UBAP2: variants seen among roughly 807,000 people sequenced by gnomAD.
UBAP2 encodes ubiquitin-associated protein 2.
A neutral mutation model predicts 139.6 loss-of-function variants in UBAP2; 75 were observed. That is an observed-to-expected ratio of 0.54 (90% CI 0.45 to 0.65). UBAP2 has a LOEUF of 0.65. UBAP2 is among the 30% of genes least tolerant of loss of function. The pLI is 0.00. For synonymous variants in UBAP2, 526 were observed against 526.2 expected (o/e 1.00, Z 0.01); for missense variants, 1,368 against 1,369.6 (o/e 1.00, Z 0.02).
intron 16 of UBAP2, among the ~76,000 whole-genome samples, chr9:33,940,403 C>G (rs569262009): frequency 1.3e-5 from 2 of 152,266 alleles, no homozygotes; most frequent in South Asian, 2.1e-4. Context: ...AAAATTTACT[C>G]AGAAACCTTG....
chr9:34,013,873 T>C (rs1396062461), intron 2 of UBAP2, among the ~76,000 whole-genome samples: 1 of 150,158 alleles, frequency 6.7e-6, no homozygotes, highest in Non-Finnish European at 1.5e-5. Context: ...CGAGGCTCCA[T>C]CTCAAAAAAA....
chr9:34,048,394 G>A (rs994535816), intron 1 of UBAP2, among the ~76,000 whole-genome samples: 1 of 152,210 alleles, frequency 6.6e-6, no homozygotes, highest in African/African-American at 2.4e-5. Flanking sequence ...GGCTATAACA[G>A]GGCCAGTCCC....
chr9:34,030,600 G>A (rs1380134781), intron 1 of UBAP2, among the ~76,000 whole-genome samples: 2 of 151,498 alleles, frequency 1.3e-5, no homozygotes, highest in Non-Finnish European at 2.9e-5. Flanking sequence ...TCCTAGTACA[G>A]TGCCCAAGAG....
intron 10 of UBAP2, 109 bp downstream of exon 10, chr9:33,960,717 T>A: frequency 9.9e-7 from 1 of 1,010,258 alleles, no homozygotes; most frequent in Admixed American, 2.2e-5. Flanking sequence ...GAGGCAGAGG[T>A]TGCAATGAGC....
At chr9:33,976,262 G>GA (rs138813398) in intron 6 of UBAP2, among the ~76,000 whole-genome samples, 6,130 of 149,134 alleles carry the variant, frequency 0.041, 269 homozygotes, top group African/African-American at 0.1. Context: ...ACCTTGAACT[G>GA]AAAAAAAAAT....
intron 4 of UBAP2, among the ~76,000 whole-genome samples, chr9:33,989,879 T>C (rs367934629): frequency 6.6e-6 from 1 of 152,164 alleles, no homozygotes; most frequent in Non-Finnish European, 1.5e-5. Flanking sequence ...ACTAATTATC[T>C]AAAACAATTT....
chr9:34,039,825 C>T (rs1308141930), intron 1 of UBAP2, among the ~76,000 whole-genome samples: 67 of 138,090 alleles, frequency 4.9e-4, no homozygotes, highest in Non-Finnish European at 7.2e-4. Context: ...GCGAGAAACA[C>T]CCAAGAATGA....
intron 2 of UBAP2, among the ~76,000 whole-genome samples, chr9:34,012,676 T>A (rs1262245634): frequency 2.6e-5 from 4 of 152,150 alleles, no homozygotes; most frequent in Non-Finnish European, 5.9e-5. Flanking sequence ...AAGAACCTTA[T>A]TCACAACTAC....
chr9:33,947,824 CA>C (rs67708083), intron 13 of UBAP2, among the ~76,000 whole-genome samples: 29,677 of 138,926 alleles, frequency 0.21, 3,110 homozygotes, highest in African/African-American at 0.24. Context: ...GATCCTGACT[CA>C]AAAAAAAAAA....
At chr9:33,925,617 G>A (rs982706575) in intron 22 of UBAP2, among the ~76,000 whole-genome samples, 7 of 152,198 alleles carry the variant, frequency 4.6e-5, no homozygotes, top group Non-Finnish European at 1.0e-4. Flanking sequence ...AAGGGCTGCT[G>A]GTTTGCACAG....
At chr9:33,976,736 G>A (rs1828377809) in intron 6 of UBAP2, among the ~76,000 whole-genome samples, 1 of 151,996 alleles carries the variant, frequency 6.6e-6, no homozygotes, top group Non-Finnish European at 1.5e-5. Context: ...GTGGCTCGTG[G>A]CTGTAATCCT....
chr9:34,028,207 T>C (rs1283314330), intron 1 of UBAP2, among the ~76,000 whole-genome samples: 2 of 151,980 alleles, frequency 1.3e-5, no homozygotes, highest in Non-Finnish European at 2.9e-5. Flanking sequence ...GGATGAGTGC[T>C]GGTGAACTCA....
At chr9:33,956,272 T>C in intron 10 of UBAP2, 126 bp from the exon 11 acceptor site, 1 of 600,102 alleles carries the variant, frequency 1.7e-6, no homozygotes, top group Admixed American at 3.4e-5. Flanking sequence ...CTAAAGAAAA[T>C]GAAATATACA....
intron 6 of UBAP2, among the ~76,000 whole-genome samples, chr9:33,981,469 C>T (rs1002194710): frequency 6.6e-6 from 1 of 150,848 alleles, no homozygotes; most frequent in East Asian, 2.0e-4. Context: ...CATCCTACCA[C>T]CTCAGCCTCC....
chr9:34,020,160 A>T (rs1824797831), intron 1 of UBAP2, among the ~76,000 whole-genome samples: 1 of 151,384 alleles, frequency 6.6e-6, no homozygotes, highest in Admixed American at 6.6e-5. Flanking sequence ...TAAAAAAAAA[A>T]AAAAAAAAAA....
chr9:34,017,493 C>T (rs1340228171), intron 1 of UBAP2, among the ~76,000 whole-genome samples: 1 of 152,178 alleles, frequency 6.6e-6, no homozygotes, highest in African/African-American at 2.4e-5. Context: ...CTGCCTCTTA[C>T]TACTTGCAGT....
chr9:34,018,673 C>A (rs186055403), intron 1 of UBAP2, among the ~76,000 whole-genome samples: 1 of 152,218 alleles, frequency 6.6e-6, no homozygotes, highest in East Asian at 1.9e-4. Flanking sequence ...ACCATCCTGG[C>A]TAACACGGTG....
chr9:33,930,895 CAAAAA>C (rs57202118), intron 19 of UBAP2, among the ~76,000 whole-genome samples: 11 of 73,252 alleles, frequency 1.5e-4, no homozygotes, highest in Admixed American at 1.2e-3. Context: ...GACTGCATCT[CAAAAA>C]AAAAAAAAAA....
chr9:34,019,742 G>A (rs894053729), intron 1 of UBAP2, among the ~76,000 whole-genome samples: 9 of 148,252 alleles, frequency 6.1e-5, no homozygotes, highest in Non-Finnish European at 1.0e-4. Flanking sequence ...AAAACATGTA[G>A]CAATGCCTTA....
Sources: allele counts gnomAD v4.1 joint callset (sites outside exome capture counted in the v4.1 genomes callset), GRCh38; gene constraint gnomAD v4.1.1; transcripts MANE v1.5; gene names NCBI Gene and HGNC (gene_info 2026-07-23, HGNC 2026-07-21).